Variants in CAMSAP1 observed in about 807,000 individuals in gnomAD.
CAMSAP1 encodes calmodulin regulated spectrin associated protein 1.
In CAMSAP1, 58 loss-of-function variants were observed where a neutral mutation model predicts 143.5. The observed-to-expected ratio is 0.40, with a 90% CI of 0.33 to 0.50. The LOEUF (loss-of-function observed/expected upper bound fraction) is 0.50, where lower values mean the gene tolerates loss of function less well. CAMSAP1 is among the 20% of genes least tolerant of loss of function. The pLI is 0.45. For missense variants in CAMSAP1, 1,969 were observed against 2,115.7 expected, an observed-to-expected ratio of 0.93 and a Z score of 1.36; for synonymous variants, 945 against 859.3, an observed-to-expected ratio of 1.10 and a Z score of -1.74.
chr9:135,881,548 G>A, intron 3 of CAMSAP1, 85 bp downstream of exon 3: 1 of 1,446,550 alleles, frequency 6.9e-7, no homozygotes, highest in Non-Finnish European at 9.4e-7. Flanking sequence ...GTCTCAGCGT[G>A]ACAGACAAGG....
rs771728810 is a variant in CAMSAP1, at chr9:135,815,893, T to C, written c.4384A>G (p.Thr1462Ala). ...TAAGGAGGGCGAACGCCGTCACCTG[T>C]GTACTCGGCCACTGAGGCCAGGGAA... ...ASSLASVAEY[T>A]GPKLFKEPSS... Residue 1462 changes from threonine to alanine, a missense_variant, in exon 15 of 17, where the codon ACA becomes GCA. By Grantham distance (58) the Thr-to-Ala change is moderately conservative. Transcript: ENST00000389532. 2 of 1,613,342 alleles carry C rather than the reference T, an allele frequency of 1.2e-6. No individual in the cohort carries two copies. Among genetic ancestry groups the C allele is most frequent in the Non-Finnish European group, 1.7e-6 (2 of 1,179,624 alleles).
chr9:135,821,446 G>A lies in CAMSAP1; in HGVS notation c.3215C>T (p.Pro1072Leu). ...NNSQDHKVKA[P>L]VHFVEPLSPT... Reference sequence around the variant, plus strand: ...AGAGAGTGGCTCCACGAAGTGGACTGGTGCCTTCACTTTGTGGTCCTGCGA... The same window carrying A: ...AGAGAGTGGCTCCACGAAGTGGACTAGTGCCTTCACTTTGTGGTCCTGCGA... Residue 1072 changes from proline to leucine, a missense_variant, in exon 11 of 17, where the codon CCA (proline) becomes CTA (leucine). This residue lies in a region of CAMSAP1 where 1,390 missense variants were observed against 1,420.8 expected (regional missense o/e 0.98). Transcript: ENST00000389532. This position sits in a 1 kb window ranked among gnomAD's most constrained non-coding sequence, Gnocchi z 4.6. 1.9e-6 allele frequency: 3 copies of A among 1,614,058 alleles called. No individual in the cohort carries two copies. The highest frequency in any genetic ancestry group is 2.5e-6 in the Non-Finnish European group (3 of 1,179,890).
intron 1 of CAMSAP1, among the ~76,000 whole-genome samples, chr9:135,890,155 C>T (rs1480306390): frequency 2.0e-5 from 3 of 152,080 alleles, no homozygotes; most frequent in Non-Finnish European, 4.4e-5. Flanking sequence ...GCAGAGGCTC[C>T]GCATGCCCAA....
chr9:135,820,805 C>T lies in CAMSAP1; in HGVS notation c.3822+34G>A. On this transcript the variant is annotated intron_variant, in intron 11 of 16. Transcript: ENST00000389532. The surrounding 1 kb of genome is among the most constrained non-coding windows in gnomAD (Gnocchi z 4.4). ...TATCACGTGGGGTGGCAACACATCA[C>T]GAGTGCCTGAAACAGATGCTACCAA... The T allele has an allele frequency of 1.9e-6, 3 of 1,602,130 alleles. No homozygotes were observed. Among genetic ancestry groups the T allele is most frequent in the Non-Finnish European group, 2.6e-6 (3 of 1,175,554 alleles).
At chr9:135,895,956 CAAGAG>C (rs1838434939) in intron 1 of CAMSAP1, among the ~76,000 whole-genome samples, 1 of 151,904 alleles carries the variant, frequency 6.6e-6, no homozygotes, top group Non-Finnish European at 1.5e-5. Flanking sequence ...AATAAGAAGT[CAAGAG>C]AAGAGAAACA....
intron 1 of CAMSAP1, among the ~76,000 whole-genome samples, chr9:135,893,175 G>A (rs1431850687): frequency 6.7e-6 from 1 of 150,116 alleles, no homozygotes; most frequent in East Asian, 2.0e-4. Context: ...GTTGAAAGAA[G>A]AAAAGAAGAG....
chr9:135,831,772 T>C (rs1262910768), intron 7 of CAMSAP1, among the ~76,000 whole-genome samples: 2 of 152,112 alleles, frequency 1.3e-5, no homozygotes, highest in Non-Finnish European at 2.9e-5. Flanking sequence ...GATATTATAA[T>C]AGATGCCTCA....
intron 14 of CAMSAP1, among the ~76,000 whole-genome samples, chr9:135,816,566 G>A (rs998615212): frequency 1.3e-5 from 2 of 152,204 alleles, no homozygotes; most frequent in Non-Finnish European, 2.9e-5. Flanking sequence ...GCTCTCACAA[G>A]GGAGGCAGAC....
intron 7 of CAMSAP1, among the ~76,000 whole-genome samples, chr9:135,833,813 C>T (rs1418805353): frequency 6.6e-6 from 1 of 152,140 alleles, no homozygotes; most frequent in East Asian, 1.9e-4. Flanking sequence ...AAATAAACCA[C>T]AGGAACTACA....
At chr9:135,895,111 G>A (rs1039036001) in intron 1 of CAMSAP1, among the ~76,000 whole-genome samples, 12 of 152,070 alleles carry the variant, frequency 7.9e-5, no homozygotes, top group African/African-American at 1.9e-4. Context: ...CAAGACCTGC[G>A]GGAGAATAAC....
In CAMSAP1 at chr9:135,810,717, C is replaced by T. The variant is rs1254355639; in HGVS notation, c.*592G>A. 6.6e-6 allele frequency: 1 copy of T among 152,488 alleles called. No individual in the cohort carries two copies. Among genetic ancestry groups the T allele is most frequent in the Non-Finnish European group, 1.5e-5 (1 of 68,036 alleles). 9.4% of individuals were successfully genotyped at this position (152,488 alleles called of 1,614,324 possible). A position where few individuals can be genotyped will look rare whatever the true frequency, so the allele number is the denominator to read the frequency against. On this transcript the variant is annotated 3_prime_UTR_variant, in exon 17 of 17. Transcript: ENST00000389532. The stretch of plus-strand genomic sequence containing the variant: ...GGGATAAGAATTTTTTTTCAGAAAT[C>T]TTAGAATTGGATATAAATGTTGGCA...
chr9:135,887,351 G>A (rs1180252256), intron 1 of CAMSAP1, among the ~76,000 whole-genome samples: 1 of 152,226 alleles, frequency 6.6e-6, no homozygotes, highest in African/African-American at 2.4e-5. Flanking sequence ...GGACTCAGCT[G>A]GCAGCCTCGG....
At chr9:135,831,071 C>T (rs1293861895) in intron 7 of CAMSAP1, among the ~76,000 whole-genome samples, 3 of 152,112 alleles carry the variant, frequency 2.0e-5, no homozygotes, top group African/African-American at 4.8e-5. Flanking sequence ...ACTTGGGAGG[C>T]TGAGGCAGGA....
At chr9:135,845,762 C>G (rs1836526886) in intron 7 of CAMSAP1, among the ~76,000 whole-genome samples, 1 of 152,098 alleles carries the variant, frequency 6.6e-6, no homozygotes, top group Non-Finnish European at 1.5e-5. Flanking sequence ...AACTCTCATT[C>G]ACAACTGCTA....
intron 4 of CAMSAP1, 92 bp from the exon 5 acceptor site, chr9:135,862,700 T>A: frequency 7.9e-7 from 1 of 1,272,448 alleles, no homozygotes; most frequent in East Asian, 2.5e-5. Context: ...AGAATTAACA[T>A]AACGCCTAAC....
At chr9:135,837,587 A>G (rs892237707) in intron 7 of CAMSAP1, among the ~76,000 whole-genome samples, 1 of 147,988 alleles carries the variant, frequency 6.8e-6, no homozygotes, top group African/African-American at 2.5e-5. Context: ...GGTTCTACAG[A>G]CACATGTCAT....
rs754654971 is a variant in CAMSAP1 at position 135,827,554 on chromosome 9, C to T, written c.1076G>A (p.Arg359Gln). Reference sequence around the variant, plus strand: ...CGCGTTGGAGATCGGTACAGGAGGCCGGCTGCTCTTCTGGTGTAACACTGT... The same window carrying T: ...CGCGTTGGAGATCGGTACAGGAGGCTGGCTGCTCTTCTGGTGTAACACTGT... Reference protein sequence around the residue: ...AKTVLHQKSSRPPVPISNATK... With the variant: ...AKTVLHQKSSQPPVPISNATK... The change falls in exon 8 of 17, where the codon CGG becomes CAG. Residue 359 changes from arginine (R) to glutamine (Q), a missense_variant. This residue lies in a region of CAMSAP1 where 221 missense variants were observed against 298.2 expected (regional missense o/e 0.74). Coordinates refer to ENST00000389532, the MANE Select transcript of CAMSAP1 (RefSeq NM_015447.4). The T allele has an allele frequency of 5.0e-6, 8 of 1,602,534 alleles. No individual in the cohort carries two copies. The highest frequency in any genetic ancestry group is 1.7e-5 in the Admixed American group (1 of 59,432).
At chr9:135,825,074 C>G (rs1442035421) in intron 8 of CAMSAP1, among the ~76,000 whole-genome samples, 194 bp from the exon 9 acceptor site, 1 of 152,190 alleles carries the variant, frequency 6.6e-6, no homozygotes, top group African/African-American at 2.4e-5. Context: ...CATCCACACA[C>G]TGCAAACGGG....
At chr9:135,896,254 G>T (rs1280931167) in intron 1 of CAMSAP1, among the ~76,000 whole-genome samples, 1 of 152,068 alleles carries the variant, frequency 6.6e-6, no homozygotes, top group Non-Finnish European at 1.5e-5. Context: ...AAAAAAAGCA[G>T]AACTACATTA....
Sources: gnomAD v4.1 joint callset for allele counts (sites outside exome capture counted in the v4.1 genomes callset) on GRCh38, gnomAD v4.1.1 for gene constraint, gnomAD v4.1.1 regional missense constraint, Gnocchi (gnomAD v3.1) non-coding constraint, MANE v1.5 for transcripts, NCBI Gene and HGNC (gene_info 2026-07-23, HGNC 2026-07-21) for gene names.